Variants in GABRD observed in about 807,000 individuals in gnomAD.
GABRD encodes gamma-aminobutyric acid receptor subunit delta.
GABRD carries 25 observed loss-of-function variants against 47.3 expected under a neutral mutation model. The observed-to-expected ratio is 0.53, with a 90% confidence interval of 0.39 to 0.74. The LOEUF (loss-of-function observed/expected upper bound fraction) is 0.74. Among genes scored for constraint, GABRD ranks in the 30% least tolerant of loss-of-function variants. GABRD has a pLI of 0.00. For missense variants in GABRD, 497 were observed against 643.4 expected (o/e 0.77, Z 2.46); for synonymous variants, 314 against 278.8 (o/e 1.13, Z -1.26).
intron 1 of GABRD, 180 bp from the exon 2 acceptor site, chr1:2,024,762 C>A: frequency 1.8e-6 from 1 of 555,032 alleles, no homozygotes; most frequent in Non-Finnish European, 3.3e-6. Flanking sequence ...TCCCGGGGTT[C>A]CCTGTGTCCA....
chr1:2,029,507 C>T (rs373955279), intron 7 of GABRD, 44 bp from the exon 8 acceptor site: 157 of 1,602,854 alleles, frequency 9.8e-5, no homozygotes, highest in Non-Finnish European at 1.2e-4. Flanking sequence ...GATGGGGCGG[C>T]GTGAGGGCAG....
intron 6 of GABRD, 48 bp from the exon 7 acceptor site, chr1:2,029,063 G>T: frequency 6.5e-7 from 1 of 1,535,038 alleles, no homozygotes; most frequent in South Asian, 1.2e-5. Flanking sequence ...CCCATGGTTG[G>T]GCTGGGCTGG....
Position 2,028,321 on chromosome 1 carries a change from T to C in GABRD, c.691+29T>C, listed in dbSNP as rs371631168. The C allele has an allele frequency of 1.3e-3, 2,020 of 1,589,286 alleles. 20 individuals are homozygous for C. The African/African-American group carries it at 0.023, about 18-fold the overall frequency. ...ACATATGCCCGCCGCCCCTTCCGCATGTGCCCGCCGCCCCTTCCGCGCGCG... is the reference window on the plus strand; with the variant it reads ...ACATATGCCCGCCGCCCCTTCCGCACGTGCCCGCCGCCCCTTCCGCGCGCG... On this transcript the variant is annotated intron_variant, in intron 6 of 8. Transcript: ENST00000378585. This position sits in a 1 kb window ranked among gnomAD's most constrained non-coding sequence, Gnocchi z 6.4.
intron 1 of GABRD, among the ~76,000 whole-genome samples, 191 bp downstream of exon 1, chr1:2,019,682 G>A (rs1198706413): frequency 6.6e-6 from 1 of 151,858 alleles, no homozygotes; most frequent in African/African-American, 2.4e-5. Context: ...CGCTGCCCTT[G>A]GGCTCGGGAC....
intron 1 of GABRD, among the ~76,000 whole-genome samples, chr1:2,020,410 T>C (rs1053856143): frequency 3.9e-5 from 6 of 152,222 alleles, no homozygotes; most frequent in Admixed American, 1.3e-4. Flanking sequence ...ACCGTGAAGA[T>C]GTAGATATAG....
In GABRD at chr1:2,030,064, C is replaced by T. The variant is rs773818258; in HGVS notation, c.1141C>T (p.Arg381Cys). The T allele has an allele frequency of 1.8e-5, 29 of 1,609,958 alleles. No homozygotes were observed. Among genetic ancestry groups the T allele is most frequent in the Middle Eastern group, 1.6e-4 (1 of 6,070 alleles). Reference protein sequence around the residue: ...TQELAISRRQRRVPGNLMGSY... With the variant: ...TQELAISRRQCRVPGNLMGSY... ...GGAGCTGGCCATCTCCCGCCGGCAG[C>T]GCCGCGTCCCGGGGAACCTGATGGG... The change falls in exon 9 of 9, where the codon CGC becomes TGC. Residue 381 changes from arginine to cysteine, a missense_variant. By Grantham distance (180) the Arg-to-Cys change is radical. Transcript: ENST00000378585.
At position 2,029,093 on chromosome 1, in the gene GABRD, C is replaced by T. The variant is rs554815044; in HGVS notation, c.692-18C>T. 59 of 1,538,894 alleles carry T rather than the reference C, an allele frequency of 3.8e-5. No individual in the cohort carries two copies. The highest frequency in any genetic ancestry group is 5.9e-5 in the South Asian group (5 of 84,048). On this transcript the variant is annotated intron_variant, in intron 6 of 8. Coordinates refer to ENST00000378585, the MANE Select transcript of GABRD (RefSeq NM_000815.5). The stretch of plus-strand genomic sequence containing the variant: ...GGCTGGGCAGGGATGGGGGCACTGA[C>T]GGTGGCTGTCCTGGCAGCTGGCCAG...
chr1:2,019,519 G>T (rs1227274188), intron 1 of GABRD, 28 bp downstream of exon 1: 8 of 1,105,438 alleles, frequency 7.2e-6, no homozygotes, highest in Non-Finnish European at 8.8e-6. Flanking sequence ...GCGCGGCGCG[G>T]GGTCGGGGGC....
intron 4 of GABRD, 168 bp from the exon 5 acceptor site, chr1:2,027,409 A>C (rs189301522): frequency 4.4e-6 from 3 of 681,448 alleles, no homozygotes; most frequent in East Asian, 5.5e-5. Context: ...CTTGACGTCT[A>C]TGAAGTTGAG....
intron 1 of GABRD, among the ~76,000 whole-genome samples, chr1:2,022,055 T>C (rs1658794229): frequency 6.6e-6 from 1 of 151,940 alleles, no homozygotes; most frequent in African/African-American, 2.4e-5. Flanking sequence ...GAGTGTAGAC[T>C]TGGAGCCTGG....
At chr1:2,023,641 G>A (rs3128323) in intron 1 of GABRD, 126,190 of 151,856 alleles carry the variant, frequency 0.83, 52,434 homozygotes, top group Middle Eastern at 0.88. Context: ...TCAGGTCCCG[G>A]CCCCTCAACT....
chr1:2,027,895 G>A (rs1398941498), intron 5 of GABRD: 2 of 618,870 alleles, frequency 3.2e-6, no homozygotes, highest in Non-Finnish European at 5.7e-6. Flanking sequence ...ACATGGCACG[G>A]ATTGATATTG....
intron 1 of GABRD, among the ~76,000 whole-genome samples, chr1:2,020,263 C>T (rs1227446297): frequency 6.6e-6 from 1 of 152,184 alleles, no homozygotes; most frequent in Non-Finnish European, 1.5e-5. Flanking sequence ...GCAACTTGGC[C>T]CCACCACGGG....
chr1:2,022,484 T>A (rs1010627256), intron 1 of GABRD: 2 of 152,212 alleles, frequency 1.3e-5, no homozygotes, highest in African/African-American at 4.8e-5. Context: ...CGGGGGCTGC[T>A]CCTGGCCTTG....
At position 2,030,489 on chromosome 1, in the gene GABRD, A is replaced by C; in HGVS notation, c.*207A>C. On this transcript the variant is annotated 3_prime_UTR_variant, in exon 9 of 9. Coordinates refer to ENST00000378585, the MANE Select transcript of GABRD (RefSeq NM_000815.5). ...AAAGGCCAGCCTGGGGCTCTCCGGCAGGCAGCCCGAGACCTGCACAGATGA... is the reference window on the plus strand; with the variant it reads ...AAAGGCCAGCCTGGGGCTCTCCGGCCGGCAGCCCGAGACCTGCACAGATGA... 1 of 426,178 alleles carries C rather than the reference A, an allele frequency of 2.3e-6. No individual in the cohort carries two copies. Among genetic ancestry groups the C allele is most frequent in the Non-Finnish European group, 4.1e-6 (1 of 243,576 alleles). The allele number at this position is 426,178 out of a possible 1,614,324, so 26.4% of individuals were successfully genotyped here. A position where few individuals can be genotyped will look rare whatever the true frequency, so the allele number is the denominator to read the frequency against.
intron 5 of GABRD, 196 bp from the exon 6 acceptor site, chr1:2,027,959 T>C (rs941489431): frequency 1.3e-5 from 8 of 628,218 alleles, no homozygotes; most frequent in Non-Finnish European, 1.9e-5. Flanking sequence ...ACCCCATCTG[T>C]GTCCCATCCA....
rs534195498 is a variant in GABRD, at chr1:2,028,832, C to A, written c.692-279C>A. ...GCCCTCCCCATTGGTTGCGAGGGTC[C>A]CTCAGGGCCAGTCCAGCAAACATGA... On this transcript the variant is annotated intron_variant, in intron 6 of 8. Transcript: ENST00000378585. The surrounding 1 kb of genome is among the most constrained non-coding windows in gnomAD (Gnocchi z 6.4). The A allele has an allele frequency of 3.9e-6, 2 of 513,614 alleles. No individual in the cohort carries two copies. Among genetic ancestry groups the A allele is most frequent in the South Asian group, 5.4e-5 (2 of 37,276 alleles). The allele number at this position is 513,614 out of a possible 1,614,324, so 31.8% of individuals were successfully genotyped here. A position where few individuals can be genotyped will look rare whatever the true frequency, so the allele number is the denominator to read the frequency against.
At chr1:2,022,709 A>G (rs1384482073) in intron 1 of GABRD, among the ~76,000 whole-genome samples, 4 of 152,234 alleles carry the variant, frequency 2.6e-5, no homozygotes, top group Non-Finnish European at 4.4e-5. Flanking sequence ...TCCATCTTAT[A>G]CTTTGTTACC....
intron 5 of GABRD, 108 bp downstream of exon 5, chr1:2,027,767 C>A: frequency 3.0e-6 from 3 of 991,406 alleles, no homozygotes; most frequent in South Asian, 1.4e-5. Flanking sequence ...TGCAGGAAAG[C>A]ACCAAACCAG....
Sources: gnomAD v4.1 joint callset for allele counts (sites outside exome capture counted in the v4.1 genomes callset) on GRCh38, gnomAD v4.1.1 for gene constraint, Gnocchi (gnomAD v3.1) non-coding constraint, MANE v1.5 for transcripts, NCBI Gene and HGNC (gene_info 2026-07-23, HGNC 2026-07-21) for gene names.